Variants in ZNF644 observed in about 807,000 individuals in gnomAD.
ZNF644 encodes the protein zinc finger protein 644.
Under a neutral mutation model 108.0 loss-of-function variants are expected in ZNF644, and 20 were observed. That is an observed-to-expected ratio of 0.19 (90% CI 0.13 to 0.27). The LOEUF (loss-of-function observed/expected upper bound fraction) is 0.27. Ranked by LOEUF, ZNF644 falls within the 10% of genes least tolerant of loss-of-function variation. The probability of loss-of-function intolerance (pLI) is 1.00; values close to 1 mark genes in which losing one functional copy is unlikely to be tolerated. For synonymous variants in ZNF644, 542 were observed against 539.1 expected, an observed-to-expected ratio of 1.01 and a Z score of -0.08; for missense variants, 1,338 against 1,548.9, an observed-to-expected ratio of 0.86 and a Z score of 2.29.
At chr1:91,013,474 CACACACACAT>C (rs1485243999) in intron 1 of ZNF644, among the ~76,000 whole-genome samples, 50 of 149,396 alleles carry the variant, frequency 3.3e-4, no homozygotes, top group African/African-American at 1.0e-3. Context: ...CACACACACA[CACACACACAT>C]ACACACACAC....
chr1:90,939,990 C>T lies in ZNF644; in HGVS notation c.1364G>A (p.Arg455Gln). 7 of 1,613,970 alleles carry T rather than the reference C, an allele frequency of 4.3e-6. No homozygotes were observed. The highest frequency in any genetic ancestry group is 5.9e-6 in the Non-Finnish European group (7 of 1,179,940). The change falls in exon 3 of 6, where the codon CGG becomes CAG. Residue 455 changes from arginine to glutamine, a missense_variant. By Grantham distance (43) the Arg-to-Gln change is conservative. Coordinates refer to ENST00000337393, the MANE Select transcript of ZNF644 (RefSeq NM_201269.3). ...AAGTGAATTGCGATCTCGAAATGTCCGTCCACATTCTCTACAAGCATATGG... is the reference window on the plus strand; with the variant it reads ...AAGTGAATTGCGATCTCGAAATGTCTGTCCACATTCTCTACAAGCATATGG... ...PRPYACRECG[R>Q]TFRDRNSLLK... is the part of the protein sequence containing the mutation.
chr1:90,938,444 T>C lies in ZNF644; in HGVS notation c.2910A>G (p.Ala970=), dbSNP rs1298636176. Residue 970 remains alanine (A), a synonymous_variant, in exon 3 of 6, where the codon GCA becomes GCG. Coordinates refer to ENST00000337393, the MANE Select transcript of ZNF644 (RefSeq NM_201269.3). The surrounding 1 kb of genome is among the most constrained non-coding windows in gnomAD (Gnocchi z 4.2). Reference sequence around the variant, plus strand: ...ATAACCCAACACCTGTTTCAAATGTTGCTGGGCAGTAAGGACACGATTTCT... The same window carrying C: ...ATAACCCAACACCTGTTTCAAATGTCGCTGGGCAGTAAGGACACGATTTCT... The part of the protein sequence containing the change: ...LEKKSCPYCP[A]TFETGVGLSN... 1.2e-6 allele frequency: 2 copies of C among 1,613,856 alleles called. No individual in the cohort carries two copies. Among genetic ancestry groups the C allele is most frequent in the Admixed American group, 1.7e-5 (1 of 59,976 alleles).
Position 90,966,577 on chromosome 1 carries a change from C to A in ZNF644, c.44+15733G>T, listed in dbSNP as rs189260035. On this transcript the variant is annotated intron_variant, in intron 2 of 5. Transcript: ENST00000337393. ...CCAGCCTGGGCAACATAGTGAAACC[C>A]TGTCTCTATTAAAAATATAAAAATT... Among the ~76,000 whole-genome samples the A allele has an allele frequency of 2.9e-3, 447 of 151,974 alleles. 4 individuals carry two copies. The highest frequency in any genetic ancestry group is 3.4e-3 in the Middle Eastern group (1 of 294).
intron 2 of ZNF644, among the ~76,000 whole-genome samples, chr1:90,954,834 A>G (rs952662779): frequency 6.6e-6 from 1 of 152,218 alleles, no homozygotes; most frequent in Admixed American, 6.5e-5. Flanking sequence ...CCAAACTCAT[A>G]TTAATGTTGA....
intron 1 of ZNF644, among the ~76,000 whole-genome samples, chr1:90,993,099 G>A (rs1657799641): frequency 6.6e-6 from 1 of 151,914 alleles, no homozygotes; most frequent in Non-Finnish European, 1.5e-5. Flanking sequence ...CTTAAATCTG[G>A]GATTGACCTT....
Position 90,938,684 on chromosome 1 carries a change from G to C in ZNF644, c.2670C>G (p.Phe890Leu). 1 of 1,612,420 alleles carries C rather than the reference G, an allele frequency of 6.2e-7. No individual in the cohort carries two copies. Among genetic ancestry groups the C allele is most frequent in the Non-Finnish European group, 8.5e-7 (1 of 1,179,614 alleles). The change falls in exon 3 of 6, where the codon TTC (phenylalanine) becomes TTG (leucine). Residue 890 changes from phenylalanine to leucine, a missense_variant. This residue lies in a region of ZNF644 where 462 missense variants were observed against 472.6 expected (regional missense o/e 0.98). Coordinates refer to ENST00000337393, the MANE Select transcript of ZNF644 (RefSeq NM_201269.3). The surrounding 1 kb of genome is among the most constrained non-coding windows in gnomAD (Gnocchi z 4.2). The stretch of plus-strand genomic sequence containing the variant: ...CTTCCACTTTGCTCTTAAATAAAGG[G>C]AATAAATTTACATGCTCTTGATTAA... The part of the protein sequence containing the change: ...SDINQEHVNL[F>L]PLFKSKVEGQ...
chr1:90,948,026 AAAG>A (rs1652701122), intron 2 of ZNF644, among the ~76,000 whole-genome samples: 1 of 152,208 alleles, frequency 6.6e-6, no homozygotes, highest in East Asian at 1.9e-4. Context: ...AATTATACGT[AAAG>A]AAGTGAGATA....
At chr1:90,985,356 C>T (rs1162890027) in intron 1 of ZNF644, among the ~76,000 whole-genome samples, 1 of 152,084 alleles carries the variant, frequency 6.6e-6, no homozygotes, top group East Asian at 1.9e-4. Context: ...TTAAAATATA[C>T]ATGCATTATT....
intron 1 of ZNF644, among the ~76,000 whole-genome samples, chr1:91,013,855 T>C (rs1483666558): frequency 6.6e-6 from 1 of 152,346 alleles, no homozygotes. Context: ...AGTTCAATCA[T>C]GTTTATATGA....
chr1:90,934,901 G>A (rs548138050), intron 4 of ZNF644, among the ~76,000 whole-genome samples: 1 of 152,028 alleles, frequency 6.6e-6, no homozygotes, highest in African/African-American at 2.4e-5. Flanking sequence ...ATTTCCCCAA[G>A]CTAGAACTAC....
chr1:90,950,349 G>C (rs1570412447), intron 2 of ZNF644, among the ~76,000 whole-genome samples: 3 of 145,144 alleles, frequency 2.1e-5, no homozygotes, highest in Admixed American at 6.9e-5. Flanking sequence ...GAAAAGAAAA[G>C]AAAAGAAATA....
At chr1:90,971,287 T>C (rs1190637920) in intron 2 of ZNF644, among the ~76,000 whole-genome samples, 1 of 148,302 alleles carries the variant, frequency 6.7e-6, no homozygotes, top group Non-Finnish European at 1.5e-5. Flanking sequence ...CAAAAACCCA[T>C]GACCATCACA....
chr1:90,916,514 G>GC lies in ZNF644; in HGVS notation c.*283dup, dbSNP rs527385595. ...TAAGTCTGTCTATAAGTATCCATGT[G>GC]CAACAGTTTATTAATGGCTGCTTAC... On this transcript the variant is annotated 3_prime_UTR_variant, in exon 6 of 6. Transcript: ENST00000337393. 4.9e-4 allele frequency: 205 copies of GC among 419,398 alleles called. 3 individuals carry two copies. In the South Asian group the frequency reaches 4.9e-3, roughly 10 times the overall value. 26.0% of individuals were successfully genotyped at this position (419,398 alleles called of 1,614,324 possible).
intron 1 of ZNF644, among the ~76,000 whole-genome samples, chr1:90,987,248 T>TG (rs1491076090): frequency 1.5e-3 from 147 of 96,572 alleles, no homozygotes; most frequent in African/African-American, 6.3e-3. Flanking sequence ...TAGAGTTGGT[T>TG]TTTTTTTTTT....
At chr1:90,965,386 A>G (rs1286179548) in intron 2 of ZNF644, among the ~76,000 whole-genome samples, 1 of 152,052 alleles carries the variant, frequency 6.6e-6, no homozygotes, top group African/African-American at 2.4e-5. Context: ...TCTCCTTTTT[A>G]TAAGCACATC....
At chr1:90,968,960 T>C (rs567016628) in intron 2 of ZNF644, among the ~76,000 whole-genome samples, 3 of 152,300 alleles carry the variant, frequency 2.0e-5, no homozygotes, top group African/African-American at 7.2e-5. Context: ...TGGTTAAATA[T>C]TCATTACAAA....
At chr1:90,947,328 C>T (rs1411571108) in intron 2 of ZNF644, among the ~76,000 whole-genome samples, 1 of 152,132 alleles carries the variant, frequency 6.6e-6, no homozygotes, top group Non-Finnish European at 1.5e-5. Context: ...TCCAATAAGA[C>T]AAATTTAAGC....
intron 4 of ZNF644, among the ~76,000 whole-genome samples, chr1:90,933,766 A>G (rs1651019615): frequency 6.6e-6 from 1 of 152,220 alleles, no homozygotes; most frequent in Non-Finnish European, 1.5e-5. Context: ...AAATTCAAAA[A>G]TAGACCGCCT....
intron 2 of ZNF644, among the ~76,000 whole-genome samples, chr1:90,976,530 T>A (rs557594179): frequency 2.6e-5 from 4 of 152,342 alleles, no homozygotes; most frequent in Non-Finnish European, 5.9e-5. Context: ...TTTTATGGTT[T>A]CCTGTTCACA....
Sources: gnomAD v4.1 joint callset for allele counts (sites outside exome capture counted in the v4.1 genomes callset) on GRCh38, gnomAD v4.1.1 for gene constraint, gnomAD v4.1.1 regional missense constraint, Gnocchi (gnomAD v3.1) non-coding constraint, MANE v1.5 for transcripts, NCBI Gene and HGNC (gene_info 2026-07-23, HGNC 2026-07-21) for gene names.